KCNT2: variants seen among roughly 807,000 people sequenced by gnomAD.
KCNT2 encodes potassium sodium-activated channel subfamily T member 2, also known as potassium channel subfamily T member 2.
KCNT2 carries 67 observed loss-of-function variants against 153.8 expected under a neutral mutation model. The observed-to-expected ratio is 0.44, with a 90% confidence interval of 0.36 to 0.53. The LOEUF (loss-of-function observed/expected upper bound fraction) is 0.53, where lower values mean the gene tolerates loss of function less well. KCNT2 is among the 20% of genes least tolerant of loss of function. The probability of loss-of-function intolerance (pLI) is 0.00; values close to 1 mark genes in which losing one functional copy is unlikely to be tolerated. For missense variants in KCNT2, 975 were observed against 1,354.8 expected, an observed-to-expected ratio of 0.72 and a Z score of 4.40; for synonymous variants, 500 against 458.8, an observed-to-expected ratio of 1.09 and a Z score of -1.15.
chr1:196,338,974 A>G (rs922362901), intron 16 of KCNT2, among the ~76,000 whole-genome samples: 3 of 148,558 alleles, frequency 2.0e-5, no homozygotes, highest in Non-Finnish European at 4.5e-5. Flanking sequence ...AAAAAAAAAA[A>G]GGAGAAGGAG....
intron 16 of KCNT2, among the ~76,000 whole-genome samples, chr1:196,334,950 G>A (rs1050348611): frequency 1.3e-5 from 2 of 152,094 alleles, no homozygotes; most frequent in Non-Finnish European, 2.9e-5. Flanking sequence ...AGTAAGAATG[G>A]CAAGCCCAAG....
At chr1:196,427,816 A>C (rs940667346) in intron 10 of KCNT2, among the ~76,000 whole-genome samples, 5 of 152,070 alleles carry the variant, frequency 3.3e-5, no homozygotes, top group South Asian at 2.1e-4. Flanking sequence ...TGCTCTACCC[A>C]AGGGAGAAAA....
intron 1 of KCNT2, among the ~76,000 whole-genome samples, 190 bp downstream of exon 1, chr1:196,608,025 T>C (rs537386803): frequency 1.1e-4 from 17 of 152,296 alleles, no homozygotes; most frequent in Admixed American, 2.0e-4. Context: ...AAAGAGTTCC[T>C]TATCTATAGC....
chr1:196,306,864 A>G (rs1661684183), intron 21 of KCNT2, among the ~76,000 whole-genome samples: 1 of 151,944 alleles, frequency 6.6e-6, no homozygotes. Flanking sequence ...ATTTTGTGAA[A>G]TCTTTTAATA....
chr1:196,242,248 C>T (rs2102262591), intron 26 of KCNT2, among the ~76,000 whole-genome samples: 1 of 152,130 alleles, frequency 6.6e-6, no homozygotes, highest in East Asian at 1.9e-4. Context: ...ATATTCATTG[C>T]ATGTCAACTA....
chr1:196,517,276 C>G (rs1276772540), intron 1 of KCNT2, among the ~76,000 whole-genome samples: 1 of 152,160 alleles, frequency 6.6e-6, no homozygotes, highest in Admixed American at 6.5e-5. Context: ...CCACTTTAAT[C>G]AGAGGGAGCC....
intron 19 of KCNT2, among the ~76,000 whole-genome samples, chr1:196,320,594 G>T (rs1262690793): frequency 1.3e-5 from 2 of 151,478 alleles, no homozygotes; most frequent in African/African-American, 4.8e-5. Flanking sequence ...GTACCTACAA[G>T]CCTCCCTGGC....
In KCNT2 at chr1:196,537,816, T is replaced by C. The variant is rs561292875; in HGVS notation, c.96-45475A>G. On this transcript the variant is annotated intron_variant, in intron 1 of 27. Coordinates refer to ENST00000294725, the MANE Select transcript of KCNT2 (RefSeq NM_198503.5). Reference sequence around the variant, plus strand: ...AAATGTATCCATATCTGTGAGTGTGTCACTCGTTGGGGCATTCTTATCTCT... The same window carrying C: ...AAATGTATCCATATCTGTGAGTGTGCCACTCGTTGGGGCATTCTTATCTCT... Among the ~76,000 whole-genome samples the C allele has an allele frequency of 7.2e-5, 11 of 152,330 alleles. No homozygotes were observed. The South Asian group carries it at 1.7e-3, about 23-fold the overall frequency.
chr1:196,549,167 T>C (rs1657557838), intron 1 of KCNT2, among the ~76,000 whole-genome samples: 2 of 151,834 alleles, frequency 1.3e-5, no homozygotes, highest in African/African-American at 2.4e-5. Flanking sequence ...AAAAAAGAAG[T>C]AAATCCAAAA....
At chr1:196,561,228 A>G (rs1659339679) in intron 1 of KCNT2, among the ~76,000 whole-genome samples, 1 of 151,698 alleles carries the variant, frequency 6.6e-6, no homozygotes, top group Non-Finnish European at 1.5e-5. Context: ...ATAAATATAT[A>G]TTATTACTAT....
chr1:196,566,264 A>C (rs1382885527), intron 1 of KCNT2, among the ~76,000 whole-genome samples: 1 of 151,962 alleles, frequency 6.6e-6, no homozygotes, highest in African/African-American at 2.4e-5. Flanking sequence ...ATTTGCTTAT[A>C]AAAAGTAACA....
intron 21 of KCNT2, among the ~76,000 whole-genome samples, chr1:196,308,111 T>A (rs988726164): frequency 1.3e-5 from 2 of 152,038 alleles, no homozygotes; most frequent in Non-Finnish European, 2.9e-5. Context: ...CACTGAACTT[T>A]AAAAAGAAAA....
intron 14 of KCNT2, among the ~76,000 whole-genome samples, chr1:196,352,691 G>C (rs919198130): frequency 5.3e-5 from 8 of 151,916 alleles, no homozygotes; most frequent in Non-Finnish European, 1.0e-4. Context: ...AGGGTTTTTT[G>C]TGCCTCTATT....
At chr1:196,368,114 A>G (rs1668194710) in intron 14 of KCNT2, among the ~76,000 whole-genome samples, 1 of 152,144 alleles carries the variant, frequency 6.6e-6, no homozygotes, top group Admixed American at 6.6e-5. Context: ...CACCACCCCT[A>G]CTTTCAGTGA....
chr1:196,348,743 C>T (rs367549399), intron 14 of KCNT2, among the ~76,000 whole-genome samples: 14 of 151,936 alleles, frequency 9.2e-5, no homozygotes, highest in East Asian at 5.8e-4. Flanking sequence ...GAAAGAATCC[C>T]GGCCAGGCAC....
intron 13 of KCNT2, among the ~76,000 whole-genome samples, chr1:196,388,634 T>C (rs1670212436): frequency 6.6e-6 from 1 of 151,690 alleles, no homozygotes; most frequent in African/African-American, 2.4e-5. Flanking sequence ...CTCCCATATC[T>C]ATTTCATACT....
chr1:196,573,781 A>T (rs2148956713), intron 1 of KCNT2, among the ~76,000 whole-genome samples: 2 of 152,168 alleles, frequency 1.3e-5, no homozygotes, highest in East Asian at 3.9e-4. Context: ...CAATATGCTT[A>T]ATGGAAGAGA....
At chr1:196,493,089 C>A (rs1041733802) in intron 1 of KCNT2, among the ~76,000 whole-genome samples, 3 of 152,044 alleles carry the variant, frequency 2.0e-5, no homozygotes, top group Non-Finnish European at 2.9e-5. Flanking sequence ...TGATAAGGCA[C>A]AATTAATATT....
Position 196,333,997 on chromosome 1 carries a change from A to G in KCNT2, c.1847T>C (p.Leu616Pro). Residue 616 changes from leucine (L) to proline (P), a missense_variant, in exon 17 of 28, where the codon CTT becomes CCT. Leu to Pro is a moderately conservative substitution (Grantham distance 98). This residue lies in a region of KCNT2 where 325 missense variants were observed against 388.1 expected (regional missense o/e 0.84). Transcript: ENST00000294725. ...TATTTCTTTGCTTCCCTCTGTAGGA[A>G]GAGACAGGGTAGGGCCACTTGCTGA... ...CRSASGPTLSLPTEGSKEIRR... is the reference protein window; with the variant it reads ...CRSASGPTLSPPTEGSKEIRR... The G allele has an allele frequency of 2.5e-6, 4 of 1,613,430 alleles. No individual in the cohort carries two copies. Among genetic ancestry groups the G allele is most frequent in the Non-Finnish European group, 3.4e-6 (4 of 1,179,706 alleles).
Sources: gnomAD v4.1 joint callset for allele counts (sites outside exome capture counted in the v4.1 genomes callset) on GRCh38, gnomAD v4.1.1 for gene constraint, gnomAD v4.1.1 regional missense constraint, MANE v1.5 for transcripts, NCBI Gene and HGNC (gene_info 2026-07-23, HGNC 2026-07-21) for gene names.